The following MYPN variants were observed in gnomAD, a reference collection of about 807,000 sequenced individuals.
MYPN encodes myopalladin, also known as sarcomeric protein myopalladin, 145 kDa (MYOP).
A neutral mutation model predicts 129.4 loss-of-function variants in MYPN; 63 were observed. That is an observed-to-expected ratio of 0.49 (90% CI 0.40 to 0.60). MYPN has a LOEUF of 0.60. MYPN is among the 20% of genes least tolerant of loss of function. MYPN has a pLI of 0.00. For missense variants in MYPN, 1,596 were observed against 1,635.4 expected, an observed-to-expected ratio of 0.98 and a Z score of 0.42; for synonymous variants, 629 against 600.9, an observed-to-expected ratio of 1.05 and a Z score of -0.68.
At chr10:68,124,218 G>A (rs1033208622) in intron 2 of MYPN, among the ~76,000 whole-genome samples, 1 of 152,120 alleles carries the variant, frequency 6.6e-6, no homozygotes, top group African/African-American at 2.4e-5. Context: ...TAGCCCCTAG[G>A]GTAACATGTC....
At chr10:68,137,322 A>G (rs543036086) in intron 2 of MYPN, among the ~76,000 whole-genome samples, 2 of 152,328 alleles carry the variant, frequency 1.3e-5, no homozygotes, top group East Asian at 1.9e-4. Flanking sequence ...TAAAAATCCA[A>G]CCTTACACAG....
Position 68,143,444 on chromosome 10 carries a change from A to G in MYPN, c.1078+329A>G, listed in dbSNP as rs148144674. 5.3e-3 allele frequency among the ~76,000 whole-genome samples: 804 copies of G among 152,184 alleles called. 9 individuals are homozygous for G. Among genetic ancestry groups the G allele is most frequent in the Middle Eastern group, 0.024 (7 of 294 alleles). ...GCGGAGGAGTGGGGAATGAGCCACA[A>G]GGTCGTTTGAGAGAAATTTACTCTA... On this transcript the variant is annotated intron_variant, in intron 3 of 19. Coordinates refer to ENST00000358913, the MANE Select transcript of MYPN (RefSeq NM_032578.4).
At position 68,128,548 on chromosome 10, in the gene MYPN, T is replaced by C. The variant is rs182969499; in HGVS notation, c.902+6208T>C. On this transcript the variant is annotated intron_variant, in intron 2 of 19. Transcript: ENST00000358913. The stretch of plus-strand genomic sequence containing the variant: ...ATTAAGTGCCTATTTATGTGCCCCA[T>C]ACTGTTGTAGACACTAAGGTTAAAG... Among the ~76,000 whole-genome samples the C allele has an allele frequency of 8.0e-3, 1,210 of 152,144 alleles. 13 individuals are homozygous for C. The highest frequency in any genetic ancestry group is 0.027 in the African/African-American group (1,139 of 41,548).
At position 68,210,488 on chromosome 10, in the gene MYPN, G is replaced by T. The variant is rs768872780; in HGVS notation, c.*33G>T. 1 of 1,612,246 alleles carries T rather than the reference G, an allele frequency of 6.2e-7. No homozygotes were observed. Among genetic ancestry groups the T allele is most frequent in the Non-Finnish European group, 8.5e-7 (1 of 1,179,348 alleles). ...TAGGTACCTGCTGTGTAAGAGAGCG[G>T]ACTGTGGAGGGGGAATGAGAACAAG... On this transcript the variant is annotated 3_prime_UTR_variant, in exon 20 of 20. Transcript: ENST00000358913.
chr10:68,121,415 T>C (rs376162903), intron 1 of MYPN, 23 bp from the exon 2 acceptor site: 1 of 1,601,748 alleles, frequency 6.2e-7, no homozygotes, highest in Non-Finnish European at 8.5e-7. Flanking sequence ...TCCAAACTTT[T>C]TGTTATTATT....
chr10:68,107,205 T>G (rs773120549), upstream of MYPN, among the ~76,000 whole-genome samples: 1 of 152,194 alleles, frequency 6.6e-6, no homozygotes, highest in Non-Finnish European at 1.5e-5. Flanking sequence ...CTAAATATTA[T>G]TTATTTAAAA....
chr10:68,093,414 T>C (rs1484233173), intron 1 of MYPN, among the ~76,000 whole-genome samples: 2 of 151,546 alleles, frequency 1.3e-5, no homozygotes, highest in Non-Finnish European at 1.5e-5. Context: ...GGCAAGTCCA[T>C]AGAGTAAAGT....
At chr10:68,170,228 G>A (rs1589582687) in intron 10 of MYPN, among the ~76,000 whole-genome samples, 1 of 152,100 alleles carries the variant, frequency 6.6e-6, no homozygotes, top group East Asian at 1.9e-4. Flanking sequence ...TTTACAAGGG[G>A]GGAATTAAGT....
upstream of MYPN, chr10:68,106,064 G>A (rs2042009505): frequency 2.2e-6 from 1 of 450,066 alleles, no homozygotes; most frequent in Non-Finnish European, 4.4e-6. Flanking sequence ...CATTACTCTG[G>A]CGGGGCAGTA....
At chr10:68,116,745 A>G (rs2042163132) in intron 1 of MYPN, among the ~76,000 whole-genome samples, 1 of 152,204 alleles carries the variant, frequency 6.6e-6, no homozygotes, top group Non-Finnish European at 1.5e-5. Context: ...TCAAAAAAAA[A>G]GAAAGAAAAG....
At chr10:68,186,354 T>C (rs1368712792) in intron 12 of MYPN, among the ~76,000 whole-genome samples, 2 of 152,202 alleles carry the variant, frequency 1.3e-5, no homozygotes, top group Non-Finnish European at 2.9e-5. Context: ...GATGATTATA[T>C]TGAATGTATA....
intron 5 of MYPN, among the ~76,000 whole-genome samples, chr10:68,149,829 A>G (rs541998636): frequency 6.6e-6 from 1 of 152,270 alleles, no homozygotes; most frequent in Non-Finnish European, 1.5e-5. Flanking sequence ...GCGTGGGGAT[A>G]GGCAGCACAT....
chr10:68,130,010 T>C (rs1362511293), intron 2 of MYPN, among the ~76,000 whole-genome samples: 1 of 152,188 alleles, frequency 6.6e-6, no homozygotes, highest in Admixed American at 6.5e-5. Flanking sequence ...TCTCAAGTGG[T>C]TTTAATTTTC....
intron 7 of MYPN, among the ~76,000 whole-genome samples, 197 bp from the exon 8 acceptor site, chr10:68,161,531 AG>A (rs1210832087): frequency 2.0e-5 from 3 of 151,574 alleles, no homozygotes; most frequent in African/African-American, 7.3e-5. Context: ...AAAAAAAAAA[AG>A]TTTTTGCTCT....
chr10:68,153,934 T>C (rs1429601774), intron 6 of MYPN, among the ~76,000 whole-genome samples: 1 of 152,152 alleles, frequency 6.6e-6, no homozygotes, highest in Non-Finnish European at 1.5e-5. Context: ...TTTTTTTTTT[T>C]TTAAAGCAAC....
intron 10 of MYPN, among the ~76,000 whole-genome samples, chr10:68,173,579 TTTATTTATTTA>T (rs1564679923): frequency 1.7e-4 from 6 of 36,276 alleles, no homozygotes; most frequent in South Asian, 1.2e-3. Flanking sequence ...AGTTATTTTA[TTTATTTATTTA>T]TTTATTTATT....
intron 2 of MYPN, among the ~76,000 whole-genome samples, chr10:68,125,017 A>T (rs886551091): frequency 7.9e-5 from 12 of 152,190 alleles, no homozygotes; most frequent in African/African-American, 2.9e-4. Context: ...TGTCCAATCC[A>T]TTAGTTTCTG....
At chr10:68,205,695 G>A (rs2043803721) in intron 18 of MYPN, among the ~76,000 whole-genome samples, 1 of 151,830 alleles carries the variant, frequency 6.6e-6, no homozygotes, top group East Asian at 1.9e-4. Context: ...TCAAAAAAAA[G>A]AGAAGGAATT....
Position 68,158,575 on chromosome 10 carries a change from T to C in MYPN, c.1407T>C (p.Tyr469=). Reference sequence around the variant, plus strand: ...CTCCATCTCCTAAGGTTGAGTGGTATAGAGAAGGGACTTTAATAGAAGATT... The same window carrying C: ...CTCCATCTCCTAAGGTTGAGTGGTACAGAGAAGGGACTTTAATAGAAGATT... ...KGAPSPKVEW[Y]REGTLIEDSP... Residue 469 remains tyrosine (Y), a synonymous_variant, in exon 7 of 20, where the codon TAT becomes TAC. Transcript: ENST00000358913. The C allele has an allele frequency of 6.2e-7, 1 of 1,608,100 alleles. No individual in the cohort carries two copies. The highest frequency in any genetic ancestry group is 8.5e-7 in the Non-Finnish European group (1 of 1,174,634).
Sources: allele counts gnomAD v4.1 joint callset (sites outside exome capture counted in the v4.1 genomes callset), GRCh38; gene constraint gnomAD v4.1.1; transcripts MANE v1.5; gene names NCBI Gene and HGNC (gene_info 2026-07-23, HGNC 2026-07-21).